RBFOX3: variants seen among roughly 807,000 people sequenced by gnomAD.
The protein encoded by RBFOX3 is RNA binding fox-1 homolog 3.
RBFOX3 carries 17 observed loss-of-function variants against 48.7 expected under a neutral mutation model. That is an observed-to-expected ratio of 0.35 (90% CI 0.24 to 0.52). RBFOX3 has a LOEUF of 0.52. Ranked by LOEUF, RBFOX3 falls within the 20% of genes least tolerant of loss-of-function variation. RBFOX3 has a pLI of 0.94. For missense variants in RBFOX3, 382 were observed against 497.5 expected (o/e 0.77, Z 2.21); for synonymous variants, 212 against 209.5 (o/e 1.01, Z -0.10).
At chr17:79,580,298 C>T (rs964323809) in intron 1 of RBFOX3, among the ~76,000 whole-genome samples, 9,852 of 135,106 alleles carry the variant, frequency 0.073, 592 homozygotes, top group African/African-American at 0.15. Flanking sequence ...TCCTCCTCCT[C>T]CTTCTTCTCC....
In RBFOX3 at chr17:79,519,928, C is replaced by A. The variant is rs990502896; in HGVS notation, c.-319-37330G>T. 7.2e-5 allele frequency among the ~76,000 whole-genome samples: 11 copies of A among 152,320 alleles called. No homozygotes were observed. In the East Asian group the frequency reaches 1.9e-3, roughly 27 times the overall value. ...CCTGCCTCTGCGCTGCTCCCCATGG[C>A]TGGTTTTCCTCTGCATCCGTTCACT... On this transcript the variant is annotated intron_variant, in intron 1 of 14. Transcript: ENST00000693108.
At chr17:79,154,879 G>A (rs1187016114) in intron 4 of RBFOX3, among the ~76,000 whole-genome samples, 2 of 144,982 alleles carry the variant, frequency 1.4e-5, no homozygotes, top group East Asian at 2.7e-4. Context: ...ATGCACAGGT[G>A]GGCAGGACAT....
At chr17:79,161,505 T>C (rs1368768044) in intron 4 of RBFOX3, among the ~76,000 whole-genome samples, 1 of 152,050 alleles carries the variant, frequency 6.6e-6, no homozygotes, top group African/African-American at 2.4e-5. Flanking sequence ...CCCTCGGGGG[T>C]GTGTGGAGGC....
At chr17:79,428,497 C>G (rs551242004) in intron 2 of RBFOX3, among the ~76,000 whole-genome samples, 1 of 152,252 alleles carries the variant, frequency 6.6e-6, no homozygotes, top group Non-Finnish European at 1.5e-5. Flanking sequence ...GTCCCTAACA[C>G]GGGGCTGCTG....
At chr17:79,507,030 C>T (rs1227823207) in intron 1 of RBFOX3, among the ~76,000 whole-genome samples, 1 of 152,194 alleles carries the variant, frequency 6.6e-6, no homozygotes, top group Non-Finnish European at 1.5e-5. Context: ...GCAGCTGGAG[C>T]CCGTTGGTGG....
At chr17:79,617,827 G>A in the RBFOX3 span, among the ~76,000 whole-genome samples, 4 of 152,214 alleles carry the variant, frequency 2.6e-5, no homozygotes, top group Admixed American at 6.5e-5. Flanking sequence ...AGAATGTCCC[G>A]TGGCTCGCCA....
chr17:79,543,724 C>T (rs2090032865), intron 1 of RBFOX3, among the ~76,000 whole-genome samples: 1 of 152,226 alleles, frequency 6.6e-6, no homozygotes, highest in Non-Finnish European at 1.5e-5. Flanking sequence ...AGGTACAAAG[C>T]CCATTAACTC....
chr17:79,497,786 G>T (rs1165675988), intron 1 of RBFOX3, among the ~76,000 whole-genome samples: 1 of 152,218 alleles, frequency 6.6e-6, no homozygotes, highest in Non-Finnish European at 1.5e-5. Flanking sequence ...GGCCAAAGCT[G>T]CTCCCCTCCC....
intron 3 of RBFOX3, among the ~76,000 whole-genome samples, chr17:79,262,331 G>A (rs2065925268): frequency 6.6e-6 from 1 of 152,234 alleles, no homozygotes; most frequent in Non-Finnish European, 1.5e-5. Context: ...GGAAAGGGGT[G>A]GCCAGGACTG....
At chr17:79,246,707 T>C (rs974759288) in intron 3 of RBFOX3, among the ~76,000 whole-genome samples, 1 of 152,150 alleles carries the variant, frequency 6.6e-6, no homozygotes, top group African/African-American at 2.4e-5. Context: ...CCGACATCCC[T>C]TGGAGAGATG....
At chr17:79,468,556 G>A (rs1284383006) in intron 2 of RBFOX3, among the ~76,000 whole-genome samples, 1 of 150,410 alleles carries the variant, frequency 6.6e-6, no homozygotes, top group Non-Finnish European at 1.5e-5. Context: ...AGGCAGGCAG[G>A]CAGACAGACA....
At chr17:79,280,169 ACCACT>A (rs1030430082) in intron 3 of RBFOX3, among the ~76,000 whole-genome samples, 28 of 121,588 alleles carry the variant, frequency 2.3e-4, no homozygotes, top group Non-Finnish European at 3.9e-4. Flanking sequence ...ACACGCACAC[ACCACT>A]CACACACACA....
rs375171072 is a variant in RBFOX3, at chr17:79,101,600, C to A, written c.552G>T (p.Gly184=). 5.5e-4 allele frequency: 848 copies of A among 1,551,092 alleles called. 12 individuals are homozygous for A. The highest frequency in any genetic ancestry group is 1.0e-4 in the Non-Finnish European group (120 of 1,146,894). ...GCCCCTTACCGTTGGTGTAGGGGTT[C>A]CCCGTCTTCTTGTTGGTCATCACTC... is the stretch of plus-strand genomic sequence containing the variant. The part of the protein sequence containing the change: ...TARVMTNKKT[G]NPYTNGWKLN... Residue 184 remains glycine (G), a synonymous_variant, in exon 9 of 15, where the codon GGG becomes GGT. Transcript: ENST00000693108.
In RBFOX3 at chr17:79,243,028, G is replaced by A. The variant is rs149088995; in HGVS notation, c.-73-7223C>T. On this transcript the variant is annotated intron_variant, in intron 3 of 14. Coordinates refer to ENST00000693108, the MANE Select transcript of RBFOX3 (RefSeq NM_001350451.2). This position sits in a 1 kb window ranked among gnomAD's most constrained non-coding sequence, Gnocchi z 7.9. ...TGAATGTATGCCAGGCTACCTGCTG[G>A]GGACTGTGTTTTTCTGGGGTTATGC... 2.7e-5 allele frequency among the ~76,000 whole-genome samples: 4 copies of A among 146,860 alleles called. No individual in the cohort carries two copies. In the East Asian group the frequency reaches 8.3e-4, roughly 30 times the overall value.
At chr17:79,560,448 G>A (rs2092136748) in intron 1 of RBFOX3, among the ~76,000 whole-genome samples, 1 of 152,150 alleles carries the variant, frequency 6.6e-6, no homozygotes, top group African/African-American at 2.4e-5. Flanking sequence ...CTTGACTGTA[G>A]CCTCAGGACC....
Position 79,445,201 on chromosome 17 carries a change from G to C in RBFOX3, c.-175+37253C>G, listed in dbSNP as rs185495198. ...CATTTTGGCTACTGTGAATGGCGCT[G>C]CTGGGAACACGGGTAGGTGTGTTCA... On this transcript the variant is annotated intron_variant, in intron 2 of 14. Transcript: ENST00000693108. Among the ~76,000 whole-genome samples the C allele has an allele frequency of 1.7e-3, 261 of 152,322 alleles. 3 individuals are homozygous for C. The highest frequency in any genetic ancestry group is 5.9e-3 in the African/African-American group (244 of 41,558).
At chr17:79,458,413 C>T (rs983505805) in intron 2 of RBFOX3, among the ~76,000 whole-genome samples, 1 of 152,160 alleles carries the variant, frequency 6.6e-6, no homozygotes, top group Non-Finnish European at 1.5e-5. Flanking sequence ...ACAGGGCTGA[C>T]TCAGATTCCC....
At chr17:79,387,886 G>A (rs112647356) in intron 2 of RBFOX3, among the ~76,000 whole-genome samples, 5 of 151,434 alleles carry the variant, frequency 3.3e-5, no homozygotes, top group African/African-American at 4.8e-5. Context: ...GTGTGCACAT[G>A]TGCAAGAGTG....
chr17:79,326,741 C>G (rs981844488), intron 2 of RBFOX3, among the ~76,000 whole-genome samples: 1 of 152,194 alleles, frequency 6.6e-6, no homozygotes, highest in Non-Finnish European at 1.5e-5. Flanking sequence ...ACCTCCCACC[C>G]TCTAATGTGG....
Sources: allele counts gnomAD v4.1 joint callset (sites outside exome capture counted in the v4.1 genomes callset), GRCh38; gene constraint gnomAD v4.1.1; non-coding constraint Gnocchi (gnomAD v3.1); transcripts MANE v1.5; gene names NCBI Gene and HGNC (gene_info 2026-07-23, HGNC 2026-07-21).